Variants in ARHGAP11A observed in about 807,000 individuals in gnomAD.
ARHGAP11A encodes the protein rho GTPase-activating protein 11A.
In ARHGAP11A, 36 loss-of-function variants were observed where a neutral mutation model predicts 60.5. That is an observed-to-expected ratio of 0.59 (90% CI 0.46 to 0.79). ARHGAP11A has a LOEUF of 0.79. Among genes scored for constraint, ARHGAP11A ranks in the 30% least tolerant of loss-of-function variants. The pLI is 0.00. For synonymous variants in ARHGAP11A, 362 were observed against 415.5 expected (o/e 0.87, Z 1.57); for missense variants, 1,071 against 1,199.2 (o/e 0.89, Z 1.58).
At chr15:32,622,026 A>G (rs924180693) in intron 2 of ARHGAP11A, among the ~76,000 whole-genome samples, 4 of 152,306 alleles carry the variant, frequency 2.6e-5, no homozygotes, top group South Asian at 2.1e-4. Flanking sequence ...CATTCATCCT[A>G]TAGGTGTAGA....
chr15:32,625,165 A>T lies in ARHGAP11A; in HGVS notation c.637A>T (p.Met213Leu). The change falls in exon 5 of 12, where the codon ATG becomes TTG. Residue 213 changes from methionine (M) to leucine (L), a missense_variant. Transcript: ENST00000361627. ...TCAGACAAGTGAAGGACATGAAAAG[A>T]TGTCTTCTAACACAGAAAAGAAGCT... The part of the protein sequence containing the change: ...LLQTSEGHEK[M>L]SSNTEKKLRL... The T allele has an allele frequency of 1.2e-6, 2 of 1,613,986 alleles. No individual in the cohort carries two copies. The highest frequency in any genetic ancestry group is 1.7e-6 in the Non-Finnish European group (2 of 1,179,852).
Position 32,615,998 on chromosome 15 carries a change from G to A in ARHGAP11A, c.-214G>A. On this transcript the variant is annotated 5_prime_UTR_variant, in exon 1 of 12. Coordinates refer to ENST00000361627, the MANE Select transcript of ARHGAP11A (RefSeq NM_014783.6). ...AGAGTGAGGTGTGGCTGGATCAAAG[G>A]GCTAAGAGAAGCGGGTCTGTGTAAG... The A allele has an allele frequency of 3.1e-6, 2 of 637,962 alleles. No individual in the cohort carries two copies. Among genetic ancestry groups the A allele is most frequent in the Non-Finnish European group, 5.3e-6 (2 of 378,954 alleles). The allele number at this position is 637,962 out of a possible 1,614,324, so 39.5% of individuals were successfully genotyped here. A position where few individuals can be genotyped will look rare whatever the true frequency, so the allele number is the denominator to read the frequency against.
At chr15:32,618,494 G>A (rs1488958370) in intron 1 of ARHGAP11A, among the ~76,000 whole-genome samples, 1 of 152,210 alleles carries the variant, frequency 6.6e-6, no homozygotes, top group East Asian at 1.9e-4. Context: ...CTTACTGTGT[G>A]TCAGACACTG....
chr15:32,615,895 C>G lies in ARHGAP11A; in HGVS notation c.-317C>G. 7.9e-6 allele frequency: 3 copies of G among 377,838 alleles called. No homozygotes were observed. The highest frequency in any genetic ancestry group is 2.0e-5 in the African/African-American group (1 of 48,928). 23.4% of individuals were successfully genotyped at this position (377,838 alleles called of 1,614,324 possible). On this transcript the variant is annotated 5_prime_UTR_variant, in exon 1 of 12. Coordinates refer to ENST00000361627, the MANE Select transcript of ARHGAP11A (RefSeq NM_014783.6). ...GAGAATCTGGCAATAGACGAGAAACCGAAAGAATCAGAAAGAAGTCTATGT... is the reference window on the plus strand; with the variant it reads ...GAGAATCTGGCAATAGACGAGAAACGGAAAGAATCAGAAAGAAGTCTATGT...
At chr15:32,623,609 T>G in intron 3 of ARHGAP11A, 21 bp downstream of exon 3, 1 of 1,600,052 alleles carries the variant, frequency 6.2e-7, no homozygotes, top group South Asian at 1.1e-5. Context: ...TGTTGAACTA[T>G]TAATTTTTCA....
At chr15:32,632,430 AACAAATT>A (rs1484932126) in intron 8 of ARHGAP11A, among the ~76,000 whole-genome samples, 1 of 152,220 alleles carries the variant, frequency 6.6e-6, no homozygotes, top group Non-Finnish European at 1.5e-5. Flanking sequence ...AAAAATATTG[AACAAATT>A]ACATTCCGGA....
In ARHGAP11A at chr15:32,639,645, A is replaced by G. The variant is rs1192248689; in HGVS notation, c.*1800A>G. 6.6e-6 allele frequency: 1 copy of G among 152,210 alleles called. No homozygotes were observed. Among genetic ancestry groups the G allele is most frequent in the Non-Finnish European group, 1.5e-5 (1 of 68,038 alleles). 9.4% of individuals were successfully genotyped at this position (152,210 alleles called of 1,614,324 possible). ...TTCTGAGAGATGAATCAATAATGAA[A>G]CATGTCTGTTTTAAAAACTACCACA... is the stretch of plus-strand genomic sequence containing the variant. On this transcript the variant is annotated 3_prime_UTR_variant, in exon 12 of 12. Coordinates refer to ENST00000361627, the MANE Select transcript of ARHGAP11A (RefSeq NM_014783.6).
At position 32,637,714 on chromosome 15, in the gene ARHGAP11A, A is replaced by G; in HGVS notation, c.2941A>G (p.Ile981Val). The G allele has an allele frequency of 2.5e-6, 4 of 1,614,204 alleles. No homozygotes were observed. Among genetic ancestry groups the G allele is most frequent in the Admixed American group, 1.7e-5 (1 of 60,024 alleles). ...ACCAGTTGTAAATAACAACATGGGCATTTCTTCTGGGATAAATAACAGGGT... is the reference window on the plus strand; with the variant it reads ...ACCAGTTGTAAATAACAACATGGGCGTTTCTTCTGGGATAAATAACAGGGT... ...VKPVVNNNMGISSGINNRVLR... is the reference protein window; with the variant it reads ...VKPVVNNNMGVSSGINNRVLR... The change falls in exon 12 of 12, where the codon ATT becomes GTT. Residue 981 changes from isoleucine (I) to valine (V), a missense_variant. This residue lies in a region of ARHGAP11A where 776 missense variants were observed against 760.2 expected (regional missense o/e 1.02). Coordinates refer to ENST00000361627, the MANE Select transcript of ARHGAP11A (RefSeq NM_014783.6).
At position 32,635,917 on chromosome 15, in the gene ARHGAP11A, T is replaced by C; in HGVS notation, c.1483+2T>C. ...TTGATGAAAAGTTACCAAAGAAAGG[T>C]ACATTTACATACTACTGTTAGAGTT... On this transcript the variant is annotated splice_donor_variant, in intron 11 of 11. Transcript: ENST00000361627. LOFTEE classifies it high-confidence loss of function. 1 of 1,602,708 alleles carries C rather than the reference T, an allele frequency of 6.2e-7. No individual in the cohort carries two copies. Among genetic ancestry groups the C allele is most frequent in the Non-Finnish European group, 8.5e-7 (1 of 1,176,188 alleles).
Position 32,636,569 on chromosome 15 carries a change from T to C in ARHGAP11A, c.1796T>C (p.Val599Ala). ...NNMTKETLVK[V>A]QKAFSESGSN... ...ATGACCAAAGAGACTTTGGTGAAAG[T>C]TCAAAAAGCGTTTTCTGAATCTGGA... The change falls in exon 12 of 12, where the codon GTT becomes GCT. Residue 599 changes from valine (V) to alanine (A), a missense_variant. By Grantham distance (64) the Val-to-Ala change is moderately conservative. Around this residue, in one of 4 missense-constraint regions of ARHGAP11A, gnomAD observed 776 missense variants for 760.2 expected, o/e 1.02. Transcript: ENST00000361627. The C allele has an allele frequency of 6.2e-7, 1 of 1,614,100 alleles. No individual in the cohort carries two copies. The highest frequency in any genetic ancestry group is 8.5e-7 in the Non-Finnish European group (1 of 1,179,990).
intron 8 of ARHGAP11A, 30 bp downstream of exon 8, chr15:32,629,792 G>T (rs762834855): frequency 1.9e-6 from 3 of 1,547,500 alleles, no homozygotes; most frequent in Non-Finnish European, 2.6e-6. Flanking sequence ...TAAATGGATT[G>T]TAAAGATTAA....
chr15:32,626,557 C>T (rs888411815), intron 6 of ARHGAP11A, among the ~76,000 whole-genome samples: 3 of 152,114 alleles, frequency 2.0e-5, no homozygotes, highest in Non-Finnish European at 4.4e-5. Flanking sequence ...TTCTTCTTTA[C>T]CTCCTTTGTA....
At chr15:32,616,948 T>A (rs1312434498) in intron 1 of ARHGAP11A, among the ~76,000 whole-genome samples, 1 of 152,222 alleles carries the variant, frequency 6.6e-6, no homozygotes, top group Non-Finnish European at 1.5e-5. Context: ...TGTCATACTT[T>A]TGGGACAGTA....
chr15:32,634,591 A>G (rs558579778), intron 10 of ARHGAP11A, among the ~76,000 whole-genome samples: 1 of 152,334 alleles, frequency 6.6e-6, no homozygotes, highest in Non-Finnish European at 1.5e-5. Context: ...GTCTCTTAAC[A>G]TCTGCTTTTT....
chr15:32,631,029 T>C (rs1393125462), intron 8 of ARHGAP11A, among the ~76,000 whole-genome samples: 1 of 152,144 alleles, frequency 6.6e-6, no homozygotes. Context: ...AAAACAGAGG[T>C]TAAACAGTCT....
intron 1 of ARHGAP11A, among the ~76,000 whole-genome samples, chr15:32,617,638 A>C (rs542075446): frequency 2.8e-4 from 43 of 151,846 alleles, no homozygotes; most frequent in Non-Finnish European, 7.4e-5. Flanking sequence ...CACCTGGCTA[A>C]TTTTTTGTAT....
At chr15:32,618,881 G>C (rs570675086) in intron 1 of ARHGAP11A, among the ~76,000 whole-genome samples, 7 of 152,062 alleles carry the variant, frequency 4.6e-5, no homozygotes, top group Non-Finnish European at 7.4e-5. Context: ...AACCCGGGAG[G>C]CGGAGCTTGC....
chr15:32,629,578 T>G lies in ARHGAP11A; in HGVS notation c.938-17T>G, dbSNP rs751855219. On this transcript the variant is annotated splice_polypyrimidine_tract_variant and intron_variant, in intron 7 of 11. Transcript: ENST00000361627. ...CTGCAGTAGAAACAAGTTGGTTTTGTTTTGATATTTTTTCAGCCCAGCTAT... is the reference window on the plus strand; with the variant it reads ...CTGCAGTAGAAACAAGTTGGTTTTGGTTTGATATTTTTTCAGCCCAGCTAT... 2.5e-6 allele frequency: 4 copies of G among 1,585,922 alleles called. No individual in the cohort carries two copies. Among genetic ancestry groups the G allele is most frequent in the Admixed American group, 1.8e-5 (1 of 54,328 alleles).
chr15:32,621,568 G>C (rs1313147987), intron 2 of ARHGAP11A, among the ~76,000 whole-genome samples: 1 of 152,292 alleles, frequency 6.6e-6, no homozygotes, highest in Non-Finnish European at 1.5e-5. Flanking sequence ...GCTCACGCCT[G>C]TAATCCCAGC....
Sources: gnomAD v4.1 joint callset for allele counts (sites outside exome capture counted in the v4.1 genomes callset) on GRCh38, gnomAD v4.1.1 for gene constraint, gnomAD v4.1.1 regional missense constraint, MANE v1.5 for transcripts, NCBI Gene and HGNC (gene_info 2026-07-23, HGNC 2026-07-21) for gene names.